PCDHGB2: variants seen among roughly 807,000 people sequenced by gnomAD.
PCDHGB2 encodes protocadherin gamma-B2.
PCDHGB2 carries 55 observed loss-of-function variants against 59.3 expected under a neutral mutation model. That is an observed-to-expected ratio of 0.93 (90% confidence interval 0.75 to 1.16). The LOEUF (loss-of-function observed/expected upper bound fraction) is 1.16, where lower values mean the gene tolerates loss of function less well. Ranked by LOEUF, PCDHGB2 falls within the 50% of genes most tolerant of loss-of-function variation. The pLI, the probability that PCDHGB2 is intolerant of heterozygous loss-of-function variation, is 0.00. For synonymous variants in PCDHGB2, 516 were observed against 512.0 expected (o/e 1.01, Z -0.11); for missense variants, 1,228 against 1,198.5 (o/e 1.02, Z -0.36).
At chr5:141,387,936 T>G (rs200817766) in intron 1 of PCDHGB2, 31,224 of 1,475,552 alleles carry the variant, frequency 0.021, 381 homozygotes, top group Non-Finnish European at 0.026. Flanking sequence ...GCCAGTGCTC[T>G]TTCTCTTCCT....
chr5:141,384,018 C>G, intron 1 of PCDHGB2: 1 of 1,613,740 alleles, frequency 6.2e-7, no homozygotes, highest in Non-Finnish European at 8.5e-7. Context: ...ACCTACAAGA[C>G]AGAGATTCTG....
rs758998647 is a variant in PCDHGB2 at position 141,360,787 on chromosome 5, G to T, written c.652G>T (p.Gly218Ter). The T allele has an allele frequency of 1.2e-6, 2 of 1,613,882 alleles. No individual in the cohort carries two copies. The highest frequency in any genetic ancestry group is 1.1e-5 in the South Asian group (1 of 91,080). The change falls in exon 1 of 4, where the codon GGA becomes TGA. Residue 218 changes from glycine (G) to a stop codon, truncating the protein, a stop_gained. Transcript: ENST00000522605. LOFTEE classifies it high-confidence loss of function. ...ATTGGTCCTCACAGCTGTGGATGGC[G>T]GAGACCCACCTCAAAGTGGCACGAC... ...HQLVLTAVDG[G>*]DPPQSGTTQI...
chr5:141,427,547 T>C (rs747558888), intron 1 of PCDHGB2: 1 of 640,310 alleles, frequency 1.6e-6, no homozygotes, highest in South Asian at 1.5e-5. Flanking sequence ...TCACCATCAC[T>C]GCCACTGACA....
chr5:141,410,135 G>T, intron 1 of PCDHGB2: 1 of 1,612,626 alleles, frequency 6.2e-7, no homozygotes, highest in Non-Finnish European at 8.5e-7. Context: ...CCTGCTGGTC[G>T]CTGTGCGTGA....
chr5:141,394,537 T>C, intron 1 of PCDHGB2: 1 of 1,614,146 alleles, frequency 6.2e-7, no homozygotes, highest in Non-Finnish European at 8.5e-7. Flanking sequence ...TCCACTGGCG[T>C]GGAGCTGGCG....
chr5:141,473,367 T>C (rs1343477225), intron 1 of PCDHGB2, among the ~76,000 whole-genome samples: 1 of 152,178 alleles, frequency 6.6e-6, no homozygotes, highest in Non-Finnish European at 1.5e-5. Flanking sequence ...GCCACCAAAA[T>C]AGCATGGTCC....
chr5:141,497,197 A>G (rs1243476120), intron 2 of PCDHGB2, among the ~76,000 whole-genome samples: 2 of 106,804 alleles, frequency 1.9e-5, no homozygotes, highest in African/African-American at 5.7e-5. Flanking sequence ...GCAGAGAACA[A>G]TGTGAGTGTA....
chr5:141,486,253 C>G lies in PCDHGB2; in HGVS notation c.2422-8554C>G. On this transcript the variant is annotated intron_variant, in intron 1 of 3. Coordinates refer to ENST00000522605, the MANE Select transcript of PCDHGB2 (RefSeq NM_018923.3). The surrounding 1 kb of genome is among the most constrained non-coding windows in gnomAD (Gnocchi z 5.0). Reference sequence around the variant, plus strand: ...TGACCTCAGAGCTTGGAACCCTCCCCGAGAGTGCAGAACCTGGCACTGTGG... The same window carrying G: ...TGACCTCAGAGCTTGGAACCCTCCCGGAGAGTGCAGAACCTGGCACTGTGG... The G allele has an allele frequency of 6.2e-7, 1 of 1,614,138 alleles. No homozygotes were observed. Among genetic ancestry groups the G allele is most frequent in the East Asian group, 2.2e-5 (1 of 44,866 alleles).
intron 1 of PCDHGB2, chr5:141,419,935 G>T: frequency 6.2e-7 from 1 of 1,614,070 alleles, no homozygotes; most frequent in Non-Finnish European, 8.5e-7. Flanking sequence ...AGTTTTACCT[G>T]GTGGTGGCCT....
chr5:141,397,967 C>T (rs931333276), intron 1 of PCDHGB2: 2 of 1,110,472 alleles, frequency 1.8e-6, no homozygotes, highest in Non-Finnish European at 2.5e-6. Context: ...CTCAGACTCC[C>T]CAGCGCCGGC....
At chr5:141,426,879 G>C (rs1222564201) in intron 1 of PCDHGB2, 3 of 456,710 alleles carry the variant, frequency 6.6e-6, no homozygotes, top group Non-Finnish European at 1.3e-5. Context: ...GAAGCCCCTG[G>C]GCCAGGAGCA....
intron 1 of PCDHGB2, among the ~76,000 whole-genome samples, chr5:141,492,221 G>C (rs62379206): frequency 0.18 from 27,189 of 152,134 alleles, 2,633 homozygotes; most frequent in Admixed American, 0.28. Context: ...GGGCTCATGC[G>C]TGTCCTCCCT....
At chr5:141,400,796 A>G (rs2094076929) in intron 1 of PCDHGB2, 1 of 559,742 alleles carries the variant, frequency 1.8e-6, no homozygotes. Context: ...CCTCTTTCTC[A>G]AAGCTAATGA....
chr5:141,374,114 A>G, intron 1 of PCDHGB2: 1 of 1,580,920 alleles, frequency 6.3e-7, no homozygotes, highest in Non-Finnish European at 8.6e-7. Flanking sequence ...TCCGCAGCGC[A>G]GCGAGCAGGT....
chr5:141,367,112 C>G (rs1261391060), intron 1 of PCDHGB2: 1 of 221,008 alleles, frequency 4.5e-6, no homozygotes, highest in South Asian at 7.2e-5. Context: ...GCCTAGACAC[C>G]ATTAGTGAAT....
At chr5:141,409,573 C>T (rs562811168) in intron 1 of PCDHGB2, 4 of 1,613,934 alleles carry the variant, frequency 2.5e-6, no homozygotes, top group African/African-American at 2.7e-5. Flanking sequence ...AGACGTCCTA[C>T]GTGGTCCACG....
At position 141,486,315 on chromosome 5, in the gene PCDHGB2, C is replaced by T. The variant is rs1432435944; in HGVS notation, c.2422-8492C>T. The T allele has an allele frequency of 6.2e-7, 1 of 1,614,066 alleles. No individual in the cohort carries two copies. Among genetic ancestry groups the T allele is most frequent in the East Asian group, 2.2e-5 (1 of 44,862 alleles). ...AGTGTGCAGGATCCAGACTCAGGGT[C>T]AAACGGAGATGTGAGCCTCCGCATT... On this transcript the variant is annotated intron_variant, in intron 1 of 3. Transcript: ENST00000522605. The surrounding 1 kb of genome is among the most constrained non-coding windows in gnomAD (Gnocchi z 5.0).
chr5:141,383,695 G>C (rs373055594), intron 1 of PCDHGB2: 3 of 1,613,974 alleles, frequency 1.9e-6, no homozygotes, highest in Non-Finnish European at 2.5e-6. Context: ...CACGGTACAT[G>C]CTATCGACCT....
chr5:141,361,762 A>G lies in PCDHGB2; in HGVS notation c.1627A>G (p.Ser543Gly), dbSNP rs1184426981. The change falls in exon 1 of 4, where the codon AGC becomes GGC. Residue 543 changes from serine (S) to glycine (G), a missense_variant. Physicochemically the swap from Ser to Gly is moderately conservative, Grantham distance 56. Around this residue, in one of 3 missense-constraint regions of PCDHGB2, gnomAD observed 781 missense variants for 721.6 expected, o/e 1.08. Transcript: ENST00000522605. ...QARDQGSPAL[S>G]ANVSLRVLVG... ...CCGCGACCAGGGCTCGCCCGCGCTCAGCGCCAACGTGAGCCTGCGCGTGTT... is the reference window on the plus strand; with the variant it reads ...CCGCGACCAGGGCTCGCCCGCGCTCGGCGCCAACGTGAGCCTGCGCGTGTT... 6.2e-7 allele frequency: 1 copy of G among 1,613,010 alleles called. No homozygotes were observed. Among genetic ancestry groups the G allele is most frequent in the Non-Finnish European group, 8.5e-7 (1 of 1,179,724 alleles).
Sources: allele counts gnomAD v4.1 joint callset (sites outside exome capture counted in the v4.1 genomes callset), GRCh38; gene constraint gnomAD v4.1.1; regional missense constraint gnomAD v4.1.1; non-coding constraint Gnocchi (gnomAD v3.1); transcripts MANE v1.5; gene names NCBI Gene and HGNC (gene_info 2026-07-23, HGNC 2026-07-21).